PHF21B: variants seen among roughly 807,000 people sequenced by gnomAD.
PHF21B encodes the protein PHD finger protein 4.
In PHF21B, 22 loss-of-function variants were observed where a neutral mutation model predicts 62.2. The observed-to-expected ratio is 0.35, with a 90% CI of 0.25 to 0.51. The LOEUF (loss-of-function observed/expected upper bound fraction) is 0.51. Among genes scored for constraint, PHF21B ranks in the 20% least tolerant of loss-of-function variants. The probability of loss-of-function intolerance (pLI) is 0.97; values close to 1 mark genes in which losing one functional copy is unlikely to be tolerated. For synonymous variants in PHF21B, 341 were observed against 314.7 expected, an observed-to-expected ratio of 1.08 and a Z score of -0.88; for missense variants, 701 against 707.9, an observed-to-expected ratio of 0.99 and a Z score of 0.11.
intron 2 of PHF21B, among the ~76,000 whole-genome samples, chr22:44,929,530 G>A (rs1460812202): frequency 6.6e-6 from 1 of 152,232 alleles, no homozygotes; most frequent in African/African-American, 2.4e-5. Context: ...CGGTGCACCT[G>A]CAACAAAGAC....
intron 10 of PHF21B, 30 bp downstream of exon 10, chr22:44,887,933 G>T: frequency 6.9e-7 from 1 of 1,439,238 alleles, no homozygotes; most frequent in Admixed American, 2.7e-5. Flanking sequence ...ATGCCAGTCT[G>T]GGGTGAGGGG....
At chr22:44,918,958 C>T (rs1045336935) in intron 3 of PHF21B, among the ~76,000 whole-genome samples, 1 of 152,148 alleles carries the variant, frequency 6.6e-6, no homozygotes, top group African/African-American at 2.4e-5. Context: ...GCCTCTCCAC[C>T]CCCAGGACTG....
intron 2 of PHF21B, among the ~76,000 whole-genome samples, chr22:44,933,728 G>GAA (rs982351732): frequency 2.7e-5 from 3 of 113,094 alleles, no homozygotes; most frequent in African/African-American, 6.3e-5. Flanking sequence ...GAGAGAGAGA[G>GAA]AGAGAGAGAC....
chr22:44,962,416 T>C (rs945118758), intron 2 of PHF21B, among the ~76,000 whole-genome samples: 3 of 152,252 alleles, frequency 2.0e-5, no homozygotes, highest in African/African-American at 7.2e-5. Context: ...CCTAACTTAG[T>C]GTGCTCAGAA....
chr22:44,994,511 A>C (rs2073089732), intron 2 of PHF21B, among the ~76,000 whole-genome samples: 3 of 152,228 alleles, frequency 2.0e-5, no homozygotes, highest in Non-Finnish European at 4.4e-5. Context: ...CTTTCCTTTC[A>C]GACTTCTGGC....
chr22:44,979,458 G>A (rs1436480384), intron 2 of PHF21B, among the ~76,000 whole-genome samples: 1 of 152,212 alleles, frequency 6.6e-6, no homozygotes, highest in Non-Finnish European at 1.5e-5. Context: ...CCAGCCATAG[G>A]AAGGCAGACC....
chr22:44,944,346 T>A (rs2072021458), intron 2 of PHF21B, among the ~76,000 whole-genome samples: 1 of 152,192 alleles, frequency 6.6e-6, no homozygotes. Context: ...GCCCAGGAGC[T>A]GGACGCCTGT....
intron 2 of PHF21B, among the ~76,000 whole-genome samples, chr22:45,006,379 T>C (rs939657981): frequency 3.9e-5 from 6 of 152,214 alleles, no homozygotes; most frequent in Non-Finnish European, 8.8e-5. Context: ...AAACACACAC[T>C]CACACACACA....
At chr22:44,946,824 G>T (rs1317970413) in intron 2 of PHF21B, among the ~76,000 whole-genome samples, 1 of 152,178 alleles carries the variant, frequency 6.6e-6, no homozygotes, top group Admixed American at 6.5e-5. Flanking sequence ...GAAGACAGAA[G>T]CCTGTGGCTG....
chr22:44,891,437 G>A, intron 7 of PHF21B, 77 bp from the exon 8 acceptor site: 1 of 1,540,680 alleles, frequency 6.5e-7, no homozygotes, highest in Non-Finnish European at 8.9e-7. Flanking sequence ...CCCAGGTCAG[G>A]ACTCTCTCTG....
intron 2 of PHF21B, among the ~76,000 whole-genome samples, chr22:44,939,574 G>C (rs184376974): frequency 1.3e-5 from 2 of 152,330 alleles, no homozygotes; most frequent in African/African-American, 4.8e-5. Context: ...AGATGCTGGC[G>C]CTGTCTTGGA....
intron 5 of PHF21B, among the ~76,000 whole-genome samples, chr22:44,909,262 A>C (rs916777040): frequency 6.6e-6 from 1 of 152,242 alleles, no homozygotes; most frequent in African/African-American, 2.4e-5. Flanking sequence ...AGATATATTA[A>C]ATACTTTGAG....
chr22:44,964,559 G>A (rs1440507628), intron 2 of PHF21B, among the ~76,000 whole-genome samples: 1 of 152,220 alleles, frequency 6.6e-6, no homozygotes, highest in Non-Finnish European at 1.5e-5. Context: ...TAAATGACCC[G>A]ATTATGCTAA....
At chr22:44,946,970 C>T (rs1395694482) in intron 2 of PHF21B, among the ~76,000 whole-genome samples, 1 of 152,210 alleles carries the variant, frequency 6.6e-6, no homozygotes, top group African/African-American at 2.4e-5. Context: ...CAAGCAGATG[C>T]TCCGTTTAAG....
chr22:44,943,210 C>G (rs2071996105), intron 2 of PHF21B, among the ~76,000 whole-genome samples: 1 of 152,192 alleles, frequency 6.6e-6, no homozygotes, highest in Non-Finnish European at 1.5e-5. Context: ...GAGAAAAGAG[C>G]TGCCTGTAGT....
chr22:44,895,988 G>C (rs1402166977), intron 6 of PHF21B, 44 bp downstream of exon 6: 4 of 1,610,860 alleles, frequency 2.5e-6, no homozygotes, highest in Non-Finnish European at 3.4e-6. Flanking sequence ...CCGGCTTTCG[G>C]GTCAGTCCCA....
rs918167090 is a variant in PHF21B, at chr22:44,882,808, G to A, written c.*278C>T. 1.3e-5 allele frequency: 5 copies of A among 392,782 alleles called. No individual in the cohort carries two copies. Among genetic ancestry groups the A allele is most frequent in the Non-Finnish European group, 2.3e-5 (5 of 217,856 alleles). The allele number at this position is 392,782 out of a possible 1,614,324, so 24.3% of individuals were successfully genotyped here. On this transcript the variant is annotated 3_prime_UTR_variant, in exon 13 of 13. Coordinates refer to ENST00000313237, the MANE Select transcript of PHF21B (RefSeq NM_138415.5). ...GCAGGGCCTGGAAGCCAGAGGCCCA[G>A]GCAGCCCCGAGGTGGCCGGGGGGAG... is the stretch of plus-strand genomic sequence containing the variant.
At chr22:44,891,455 G>A in intron 7 of PHF21B, 95 bp from the exon 8 acceptor site, 1 of 1,462,932 alleles carries the variant, frequency 6.8e-7, no homozygotes, top group Non-Finnish European at 9.4e-7. Context: ...CTGGGACAGG[G>A]TTCCCACCCA....
intron 2 of PHF21B, among the ~76,000 whole-genome samples, chr22:44,971,983 G>A (rs547719878): frequency 9.8e-5 from 15 of 152,366 alleles, no homozygotes; most frequent in South Asian, 2.1e-4. Flanking sequence ...GTTGCAGTTG[G>A]GGGGAGAGAT....
Sources: gnomAD v4.1 joint callset for allele counts (sites outside exome capture counted in the v4.1 genomes callset) on GRCh38, gnomAD v4.1.1 for gene constraint, MANE v1.5 for transcripts, NCBI Gene and HGNC (gene_info 2026-07-23, HGNC 2026-07-21) for gene names.